Variants in METTL21A observed in about 807,000 individuals in gnomAD.
METTL21A encodes the protein methyltransferase 21A, HSPA lysine.
METTL21A carries 22 observed loss-of-function variants against 20.9 expected under a neutral mutation model. The observed-to-expected ratio is 1.05, with a 90% CI of 0.75 to 1.50. The LOEUF (loss-of-function observed/expected upper bound fraction) is 1.50, where lower values mean the gene tolerates loss of function less well. Ranked by LOEUF, METTL21A falls within the 40% of genes most tolerant of loss-of-function variation. METTL21A has a pLI of 0.00. For missense variants in METTL21A, 271 were observed against 266.8 expected, an observed-to-expected ratio of 1.02 and a Z score of -0.11; for synonymous variants, 93 against 102.0, an observed-to-expected ratio of 0.91 and a Z score of 0.53.
rs564269467 is a variant in METTL21A at position 207,598,932 on chromosome 2, CAA to C, written c.260-16774_260-16773del. The C allele has an allele frequency of 1.8e-4, 32 of 182,424 alleles. No homozygotes were observed. The South Asian group carries it at 4.9e-3, about 28-fold the overall frequency. The allele number at this position is 182,424 out of a possible 1,614,324, so 11.3% of individuals were successfully genotyped here. A position where few individuals can be genotyped will look rare whatever the true frequency, so the allele number is the denominator to read the frequency against. ...AGAAAACTAATGTTTTATATTTAGT[CAA>C]GAGTTATTTAAGAAAGTCAAGCTTG... On this transcript the variant is annotated intron_variant, in intron 3 of 3. Transcript: ENST00000425132.
downstream of METTL21A, chr2:207,612,736 C>A (rs1032318470): frequency 9.0e-6 from 2 of 223,006 alleles, no homozygotes; most frequent in Non-Finnish European, 1.7e-5. Flanking sequence ...TTTATACCGG[C>A]CCTTCATATC....
chr2:207,594,961 A>G (rs1005398962), intron 3 of METTL21A, among the ~76,000 whole-genome samples: 3 of 130,712 alleles, frequency 2.3e-5, no homozygotes, highest in Non-Finnish European at 5.0e-5. Context: ...TTTGATTTGC[A>G]TTTCCCTAGT....
intron 3 of METTL21A, chr2:207,597,752 T>C (rs1432276773): frequency 4.9e-6 from 1 of 202,292 alleles, no homozygotes; most frequent in Non-Finnish European, 1.0e-5. Context: ...TCTGTATGTG[T>C]TCAACATTTT....
At chr2:207,614,650 TA>T (rs1237733813) in intron 3 of METTL21A, among the ~76,000 whole-genome samples, 5 of 152,226 alleles carry the variant, frequency 3.3e-5, no homozygotes, top group African/African-American at 1.2e-4. Context: ...GCTAAGTTTC[TA>T]CACACAGTGT....
chr2:207,613,992 A>C (rs1033705711), intron 3 of METTL21A, among the ~76,000 whole-genome samples: 5 of 152,218 alleles, frequency 3.3e-5, no homozygotes, highest in Admixed American at 6.5e-5. Flanking sequence ...AGAATTAACC[A>C]GTGACACGGC....
chr2:207,615,045 T>G lies in METTL21A; in HGVS notation c.260-1602A>C, dbSNP rs375881464. ...TTCAATTTGACATTTACAGTCCTAC[T>G]ATGAGATACTGATGAAAATGCTCAA... is the stretch of plus-strand genomic sequence containing the variant. On this transcript the variant is annotated intron_variant, in intron 3 of 3. Transcript: ENST00000406927. Among the ~76,000 whole-genome samples the G allele has an allele frequency of 3.9e-4, 59 of 152,342 alleles. No homozygotes were observed. In the East Asian group the frequency reaches 0.01, roughly 26 times the overall value.
At chr2:207,613,304 A>C (rs1370943311) in exon 4 of METTL21A, 2 of 1,614,032 alleles carry the variant, frequency 1.2e-6, no homozygotes, top group African/African-American at 2.7e-5. Context: ...ATTCTCCAGG[A>C]GAAAAACTCC....
intron 3 of METTL21A, among the ~76,000 whole-genome samples, chr2:207,590,397 G>T (rs1256840784): frequency 2.6e-5 from 4 of 151,520 alleles, no homozygotes; most frequent in African/African-American, 9.7e-5. Context: ...TTTGTTGATT[G>T]TTTTTAAGCA....
At chr2:207,593,983 C>T (rs112611208) in intron 3 of METTL21A, among the ~76,000 whole-genome samples, 3 of 152,154 alleles carry the variant, frequency 2.0e-5, no homozygotes, top group Non-Finnish European at 2.9e-5. Flanking sequence ...CCTCCCAAAG[C>T]GCTGGGACCT....
intron 3 of METTL21A, chr2:207,601,749 T>C (rs915474977): frequency 5.5e-5 from 12 of 216,882 alleles, no homozygotes; most frequent in African/African-American, 2.5e-4. Flanking sequence ...CTGCCTAAAT[T>C]TGATTTCAGA....
intron 3 of METTL21A, chr2:207,582,812 G>A (rs1190218902): frequency 9.4e-6 from 3 of 317,790 alleles, no homozygotes; most frequent in South Asian, 2.4e-5. Context: ...AGAATTGTGC[G>A]AACCTGGGAG....
chr2:207,590,108 AATAG>A (rs1318446039), intron 3 of METTL21A, among the ~76,000 whole-genome samples: 2 of 17,854 alleles, frequency 1.1e-4, no homozygotes, highest in African/African-American at 1.8e-4. Context: ...TTTTTTTTTT[AATAG>A]ATACGGGATC....
intron 3 of METTL21A, chr2:207,603,437 GTC>G (rs1442353660): frequency 4.4e-6 from 1 of 224,930 alleles, no homozygotes; most frequent in Admixed American, 5.7e-5. Context: ...AACTCTGTAA[GTC>G]TCTTTTTTGG....
chr2:207,607,530 T>C (rs1169212522), downstream of METTL21A, among the ~76,000 whole-genome samples: 1 of 150,926 alleles, frequency 6.6e-6, no homozygotes, highest in Non-Finnish European at 1.5e-5. Context: ...TGCAATCTAG[T>C]GTTCAGTTAA....
chr2:207,601,349 A>G (rs1446050785), intron 3 of METTL21A: 1 of 185,886 alleles, frequency 5.4e-6, no homozygotes, highest in Non-Finnish European at 1.1e-5. Context: ...CTCTCTTCAA[A>G]TCATGTGACT....
At chr2:207,613,926 T>C (rs1377177235) in intron 3 of METTL21A, among the ~76,000 whole-genome samples, 1 of 152,096 alleles carries the variant, frequency 6.6e-6, no homozygotes, top group Non-Finnish European at 1.5e-5. Flanking sequence ...AGCTGAGATC[T>C]CGCCACTGCA....
At chr2:207,608,445 A>G (rs2088461556), downstream of METTL21A, among the ~76,000 whole-genome samples, 1 of 152,002 alleles carries the variant, frequency 6.6e-6, no homozygotes, top group Admixed American at 6.6e-5. Flanking sequence ...CTGTGCTTCT[A>G]ATTTGTAGGG....
intron 2 of METTL21A, among the ~76,000 whole-genome samples, chr2:207,623,357 T>C (rs1399422984): frequency 6.6e-6 from 1 of 152,236 alleles, no homozygotes; most frequent in Non-Finnish European, 1.5e-5. Context: ...TTTATGCCAA[T>C]CATGCATTCA....
downstream of METTL21A, chr2:207,612,701 G>A: frequency 5.5e-6 from 1 of 181,410 alleles, no homozygotes; most frequent in Non-Finnish European, 1.1e-5. Context: ...ATCTTACCAA[G>A]AAAGCTTACT....
Sources: gnomAD v4.1 joint callset for allele counts (sites outside exome capture counted in the v4.1 genomes callset) on GRCh38, gnomAD v4.1.1 for gene constraint, MANE v1.5 for transcripts, NCBI Gene and HGNC (gene_info 2026-07-23, HGNC 2026-07-21) for gene names.